FBXO25: variants seen among roughly 807,000 people sequenced by gnomAD.
FBXO25 encodes F-box protein 25.
FBXO25 carries 45 observed loss-of-function variants against 51.9 expected under a neutral mutation model. The observed-to-expected ratio is 0.87, with a 90% CI of 0.68 to 1.11. The LOEUF is 1.11. Among genes scored for constraint, FBXO25 ranks in the 50% most tolerant of loss-of-function variants. The pLI, the probability that FBXO25 is intolerant of heterozygous loss-of-function variation, is 0.00. For missense variants in FBXO25, 507 were observed against 428.5 expected (o/e 1.18, Z -1.62); for synonymous variants, 199 against 151.0 (o/e 1.32, Z -2.33).
At chr8:414,381 G>C (rs1454167526) in intron 2 of FBXO25, among the ~76,000 whole-genome samples, 1 of 152,032 alleles carries the variant, frequency 6.6e-6, no homozygotes, top group African/African-American at 2.4e-5. Flanking sequence ...ACTATATCTA[G>C]AAATGTCAGG....
chr8:436,410 G>A (rs1359460552), intron 5 of FBXO25, among the ~76,000 whole-genome samples: 1 of 152,132 alleles, frequency 6.6e-6, no homozygotes, highest in Non-Finnish European at 1.5e-5. Flanking sequence ...ATTGCTTTTA[G>A]GCATTTAAAA....
At chr8:432,170 A>G (rs1264116326) in intron 3 of FBXO25, among the ~76,000 whole-genome samples, 1 of 152,212 alleles carries the variant, frequency 6.6e-6, no homozygotes, top group Non-Finnish European at 1.5e-5. Context: ...TTTAAATACA[A>G]GCACTGTGAT....
intron 2 of FBXO25, among the ~76,000 whole-genome samples, chr8:429,044 TGAATATATACCCAGAAGTG>T (rs144421869): frequency 0.1 from 15,914 of 152,256 alleles, 1,042 homozygotes; most frequent in African/African-American, 0.18. Context: ...TCAGTTCTTT[TGAATATATACCCAGAAGTG>T]GAATTGTTGG....
At chr8:452,861 TTGAC>T (rs1464132032) in intron 7 of FBXO25, among the ~76,000 whole-genome samples, 1 of 152,188 alleles carries the variant, frequency 6.6e-6, no homozygotes, top group Non-Finnish European at 1.5e-5. Flanking sequence ...GCTTGCATCT[TTGAC>T]TGGGTGGGCC....
At chr8:421,597 C>T (rs1413701296) in intron 2 of FBXO25, among the ~76,000 whole-genome samples, 1 of 152,106 alleles carries the variant, frequency 6.6e-6, no homozygotes, top group Non-Finnish European at 1.5e-5. Context: ...TGAACTAGGG[C>T]TGTTGGTTTT....
At chr8:415,906 A>G (rs908388481) in intron 2 of FBXO25, among the ~76,000 whole-genome samples, 5 of 152,196 alleles carry the variant, frequency 3.3e-5, no homozygotes, top group African/African-American at 1.2e-4. Context: ...GGGCACTGTA[A>G]TTGCCTATAG....
Position 476,517 on chromosome 8 carries a change from A to C in FBXO25, c.*7713A>C, listed in dbSNP as rs892974360. On this transcript the variant is annotated 3_prime_UTR_variant, in exon 10 of 10. Coordinates refer to ENST00000350302, the MANE Select transcript of FBXO25 (RefSeq NM_183420.2). ...CTTTCTTGGGAGGCTTTTCTTTACT[A>C]CTTCATGCTCTTGACTAGCATAGGT... 2 of 152,098 alleles carry C rather than the reference A, an allele frequency of 1.3e-5. No individual in the cohort carries two copies. The highest frequency in any genetic ancestry group is 1.3e-4 in the Admixed American group (2 of 15,264). The allele number at this position is 152,098 out of a possible 1,614,324, so 9.4% of individuals were successfully genotyped here.
intron 5 of FBXO25, among the ~76,000 whole-genome samples, chr8:436,525 G>T (rs569670335): frequency 6.7e-4 from 102 of 152,314 alleles, no homozygotes; most frequent in African/African-American, 2.0e-3. Context: ...GGCTGCTTAT[G>T]TAACTACTAC....
chr8:431,593 A>C, intron 3 of FBXO25, 149 bp downstream of exon 3: 3 of 512,766 alleles, frequency 5.9e-6, no homozygotes, highest in Non-Finnish European at 1.0e-5. Context: ...TTAGTGATCA[A>C]ACTTTTTGCA....
chr8:410,784 A>C (rs1286308176), intron 1 of FBXO25, among the ~76,000 whole-genome samples: 1 of 152,248 alleles, frequency 6.6e-6, no homozygotes, highest in African/African-American at 2.4e-5. Context: ...TATTTTCTAA[A>C]GCAAGAATTT....
chr8:475,825 C>T lies in FBXO25; in HGVS notation c.*7021C>T, dbSNP rs998248252. The T allele has an allele frequency of 6.6e-6, 1 of 152,068 alleles. No homozygotes were observed. Among genetic ancestry groups the T allele is most frequent in the Non-Finnish European group, 1.5e-5 (1 of 68,006 alleles). 9.4% of individuals were successfully genotyped at this position (152,068 alleles called of 1,614,324 possible). A position where few individuals can be genotyped will look rare whatever the true frequency, so the allele number is the denominator to read the frequency against. On this transcript the variant is annotated 3_prime_UTR_variant, in exon 10 of 10. Transcript: ENST00000350302. The stretch of plus-strand genomic sequence containing the variant: ...CACTAGGATTTTCTACATATAAGAT[C>T]ATGTCATCTGCAAACAGATAATTTT...
chr8:452,410 C>CT (rs1799154193), intron 7 of FBXO25, among the ~76,000 whole-genome samples: 1 of 144,848 alleles, frequency 6.9e-6, no homozygotes, highest in South Asian at 2.2e-4. Context: ...GCCTCTTTTA[C>CT]TGCGTTCCCC....
chr8:450,475 T>G (rs1344163493), intron 6 of FBXO25, among the ~76,000 whole-genome samples: 1 of 152,250 alleles, frequency 6.6e-6, no homozygotes, highest in Admixed American at 6.5e-5. Context: ...CTTGCCTTGA[T>G]AAGTTACTGG....
intron 1 of FBXO25, among the ~76,000 whole-genome samples, chr8:408,687 G>C (rs1476592733): frequency 1.3e-5 from 2 of 151,650 alleles, no homozygotes; most frequent in Non-Finnish European, 2.9e-5. Flanking sequence ...TTTTTGTTCT[G>C]AGTCTCTCAT....
At chr8:424,936 C>T (rs2117546820) in intron 2 of FBXO25, among the ~76,000 whole-genome samples, 1 of 152,118 alleles carries the variant, frequency 6.6e-6, no homozygotes, top group Non-Finnish European at 1.5e-5. Flanking sequence ...AAGAAAAAAA[C>T]TTGATTTTGT....
At chr8:427,453 G>C (rs1797561681) in intron 2 of FBXO25, among the ~76,000 whole-genome samples, 1 of 151,076 alleles carries the variant, frequency 6.6e-6, no homozygotes, top group Non-Finnish European at 1.5e-5. Flanking sequence ...AGTCTCTTCT[G>C]TTTGGTAGCA....
intron 7 of FBXO25, among the ~76,000 whole-genome samples, chr8:457,025 G>T (rs1278046367): frequency 1.3e-5 from 2 of 151,342 alleles, no homozygotes; most frequent in Non-Finnish European, 1.5e-5. Context: ...TGTGCTTTGT[G>T]TGCAGTAGGA....
chr8:465,150 C>T (rs1800069266), intron 9 of FBXO25, among the ~76,000 whole-genome samples: 5 of 152,082 alleles, frequency 3.3e-5, no homozygotes, highest in Admixed American at 6.5e-5. Flanking sequence ...GAGTGAAGTC[C>T]AGGTTCCCAG....
chr8:439,405 T>C (rs543208173), intron 5 of FBXO25, among the ~76,000 whole-genome samples: 1 of 152,344 alleles, frequency 6.6e-6, no homozygotes, highest in Admixed American at 6.5e-5. Context: ...TTTCCTAAAG[T>C]ACACACATCT....
Sources: allele counts gnomAD v4.1 joint callset (sites outside exome capture counted in the v4.1 genomes callset), GRCh38; gene constraint gnomAD v4.1.1; transcripts MANE v1.5; gene names NCBI Gene and HGNC (gene_info 2026-07-23, HGNC 2026-07-21).